The following PTPRD variants were observed in gnomAD, a reference collection of about 807,000 sequenced individuals.
PTPRD encodes protein tyrosine phosphatase receptor type D, also known as receptor-type tyrosine-protein phosphatase delta.
In PTPRD, 34 loss-of-function variants were observed where a neutral mutation model predicts 214.5. That is an observed-to-expected ratio of 0.16 (90% CI 0.12 to 0.21). PTPRD has a LOEUF of 0.21. Among genes scored for constraint, PTPRD ranks in the 10% least tolerant of loss-of-function variants. The pLI, the probability that PTPRD is intolerant of heterozygous loss-of-function variation, is 1.00. For synonymous variants in PTPRD, 1,128 were observed against 845.7 expected, an observed-to-expected ratio of 1.33 and a Z score of -5.79; for missense variants, 2,545 against 2,398.7, an observed-to-expected ratio of 1.06 and a Z score of -1.27.
At chr9:9,590,450 G>C (rs1403929723) in intron 7 of PTPRD, among the ~76,000 whole-genome samples, 2 of 151,914 alleles carry the variant, frequency 1.3e-5, no homozygotes, top group Admixed American at 1.3e-4. Context: ...CCAATTTTAA[G>C]TGTTTTTGTA....
intron 3 of PTPRD, among the ~76,000 whole-genome samples, chr9:10,157,357 C>T (rs148235729): frequency 3.3e-5 from 5 of 152,252 alleles, no homozygotes; most frequent in African/African-American, 1.2e-4. Context: ...ATTTGCTTGT[C>T]TAAAAGGGAT....
chr9:10,432,090 G>C (rs533585218), intron 2 of PTPRD, among the ~76,000 whole-genome samples: 2 of 151,982 alleles, frequency 1.3e-5, no homozygotes, highest in African/African-American at 4.8e-5. Context: ...ATACAACATG[G>C]AATACTATGC....
chr9:9,965,145 A>T (rs150615795), intron 4 of PTPRD, among the ~76,000 whole-genome samples: 55 of 152,298 alleles, frequency 3.6e-4, no homozygotes, highest in African/African-American at 1.3e-3. Context: ...ACGTGGATAG[A>T]TTCAAACTGC....
chr9:9,887,501 A>C (rs1401595614), intron 5 of PTPRD, among the ~76,000 whole-genome samples: 1 of 152,146 alleles, frequency 6.6e-6, no homozygotes, highest in Non-Finnish European at 1.5e-5. Flanking sequence ...AAGGAGCATG[A>C]AGCAGCTGAT....
chr9:9,381,830 T>C (rs1038374354), intron 9 of PTPRD, among the ~76,000 whole-genome samples: 2 of 152,014 alleles, frequency 1.3e-5, no homozygotes, highest in East Asian at 1.9e-4. Flanking sequence ...TGTCTTTTTT[T>C]CCCCAAGATT....
chr9:10,183,990 T>G (rs772219703), intron 3 of PTPRD, among the ~76,000 whole-genome samples: 11 of 152,210 alleles, frequency 7.2e-5, no homozygotes, highest in Non-Finnish European at 1.3e-4. Flanking sequence ...ACATTAAAAT[T>G]TTAACACATC....
intron 12 of PTPRD, among the ~76,000 whole-genome samples, chr9:8,679,033 T>C (rs2154370830): frequency 6.6e-6 from 1 of 152,326 alleles, no homozygotes; most frequent in African/African-American, 2.4e-5. Context: ...GTTAAACAGA[T>C]GACCCTGTTC....
chr9:9,158,631 AAAG>A (rs1364772483), intron 10 of PTPRD, among the ~76,000 whole-genome samples: 1 of 152,054 alleles, frequency 6.6e-6, no homozygotes, highest in Non-Finnish European at 1.5e-5. Flanking sequence ...TAAAAATAAT[AAAG>A]AAGAACTAAT....
At chr9:9,136,690 G>A (rs536098439) in intron 10 of PTPRD, among the ~76,000 whole-genome samples, 3 of 152,106 alleles carry the variant, frequency 2.0e-5, no homozygotes, top group South Asian at 2.1e-4. Context: ...TTTCAAAGAG[G>A]GCAGCAGTTT....
intron 10 of PTPRD, among the ~76,000 whole-genome samples, chr9:9,095,971 A>T (rs1253340728): frequency 6.6e-6 from 1 of 152,204 alleles, no homozygotes; most frequent in Non-Finnish European, 1.5e-5. Flanking sequence ...ACCTTGGAGG[A>T]TATTAGGCTA....
At chr9:9,918,351 T>TATA (rs1555333236) in intron 5 of PTPRD, among the ~76,000 whole-genome samples, 1 of 101,924 alleles carries the variant, frequency 9.8e-6, no homozygotes, top group African/African-American at 3.7e-5. Context: ...ACCAAAGAGG[T>TATA]AAAAAAAAAA....
At chr9:10,012,156 A>T (rs1017552034) in intron 4 of PTPRD, among the ~76,000 whole-genome samples, 1 of 151,954 alleles carries the variant, frequency 6.6e-6, no homozygotes, top group Non-Finnish European at 1.5e-5. Context: ...ACATTGTAAG[A>T]CGTATACAAA....
intron 3 of PTPRD, among the ~76,000 whole-genome samples, chr9:10,134,480 G>A (rs1340386283): frequency 6.6e-6 from 1 of 152,096 alleles, no homozygotes; most frequent in Non-Finnish European, 1.5e-5. Flanking sequence ...ATGCCTAACT[G>A]CTGGCCATTG....
At chr9:10,069,298 T>G (rs879680361) in intron 3 of PTPRD, among the ~76,000 whole-genome samples, 1 of 151,832 alleles carries the variant, frequency 6.6e-6, no homozygotes, top group African/African-American at 2.4e-5. Flanking sequence ...CTAAGCAGAG[T>G]GCAAACAAGA....
At chr9:8,550,765 C>G (rs2081846364) in intron 14 of PTPRD, among the ~76,000 whole-genome samples, 1 of 152,226 alleles carries the variant, frequency 6.6e-6, no homozygotes, top group African/African-American at 2.4e-5. Flanking sequence ...TAGTCTACAG[C>G]TTTAACTATG....
chr9:9,908,470 A>C (rs569419483), intron 5 of PTPRD, among the ~76,000 whole-genome samples: 1 of 152,144 alleles, frequency 6.6e-6, no homozygotes, highest in East Asian at 1.9e-4. Flanking sequence ...GACTCAAAGG[A>C]AACAGAATTG....
chr9:10,311,340 A>C (rs1013063962), intron 3 of PTPRD, among the ~76,000 whole-genome samples: 1 of 152,074 alleles, frequency 6.6e-6, no homozygotes, highest in South Asian at 2.1e-4. Flanking sequence ...TATATGTACC[A>C]GAATGACTAA....
At chr9:10,080,368 G>A (rs2098216213) in intron 3 of PTPRD, among the ~76,000 whole-genome samples, 1 of 152,102 alleles carries the variant, frequency 6.6e-6, no homozygotes, top group African/African-American at 2.4e-5. Context: ...TGTTAACACT[G>A]TATGCAGAGT....
chr9:9,375,478 C>A (rs944568339), intron 9 of PTPRD, among the ~76,000 whole-genome samples: 2 of 152,068 alleles, frequency 1.3e-5, no homozygotes, highest in Non-Finnish European at 2.9e-5. Flanking sequence ...TGCCTGTAAT[C>A]CCAGCTACTC....
Sources: allele counts gnomAD v4.1 joint callset (sites outside exome capture counted in the v4.1 genomes callset), GRCh38; gene constraint gnomAD v4.1.1; transcripts MANE v1.5; gene names NCBI Gene and HGNC (gene_info 2026-07-23, HGNC 2026-07-21).